MLLT3: variants seen among roughly 807,000 people sequenced by gnomAD.
The protein encoded by MLLT3 is MLLT3 super elongation complex subunit.
Under a neutral mutation model 53.2 loss-of-function variants are expected in MLLT3, and 4 were observed. The observed-to-expected ratio is 0.08, with a 90% CI of 0.04 to 0.17. MLLT3 has a LOEUF of 0.17. Ranked by LOEUF, MLLT3 falls within the 10% of genes least tolerant of loss-of-function variation. The pLI, the probability that MLLT3 is intolerant of heterozygous loss-of-function variation, is 1.00. For synonymous variants in MLLT3, 283 were observed against 230.6 expected (o/e 1.23, Z -2.06); for missense variants, 569 against 684.0 (o/e 0.83, Z 1.87).
chr9:20,467,118 A>G (rs981805141), intron 2 of MLLT3, among the ~76,000 whole-genome samples: 1 of 152,148 alleles, frequency 6.6e-6, no homozygotes, highest in Non-Finnish European at 1.5e-5. Flanking sequence ...AAAAAACAAA[A>G]AGAGAGAGAG....
At chr9:20,420,142 T>C (rs1162764704) in intron 4 of MLLT3, among the ~76,000 whole-genome samples, 4 of 152,006 alleles carry the variant, frequency 2.6e-5, no homozygotes, top group Admixed American at 6.6e-5. Context: ...AACTGTCACA[T>C]AAAGGGAAAA....
At chr9:20,540,972 T>C (rs1467089515) in intron 2 of MLLT3, among the ~76,000 whole-genome samples, 4 of 152,170 alleles carry the variant, frequency 2.6e-5, no homozygotes, top group African/African-American at 7.2e-5. Context: ...CCAAGTCAAA[T>C]CTTGAATGCT....
At chr9:20,401,327 G>A (rs557271744) in intron 5 of MLLT3, among the ~76,000 whole-genome samples, 21 of 152,230 alleles carry the variant, frequency 1.4e-4, no homozygotes, top group African/African-American at 2.6e-4. Context: ...AAAATAGATG[G>A]AATATATATT....
At position 20,342,292 on chromosome 9, in the gene MLLT3, A is replaced by T. The variant is rs1472315746; in HGVS notation, c.*4151T>A. On this transcript the variant is annotated 3_prime_UTR_variant, in exon 11 of 11. Coordinates refer to ENST00000380338, the MANE Select transcript of MLLT3 (RefSeq NM_004529.4). Reference sequence around the variant, plus strand: ...TCAACATGGATTTTAGAGAAGGGAAATACATCTTACAGTGTGCCTTGAATT... The same window carrying T: ...TCAACATGGATTTTAGAGAAGGGAATTACATCTTACAGTGTGCCTTGAATT... The T allele has an allele frequency of 8.9e-6, 2 of 224,154 alleles. No individual in the cohort carries two copies. The highest frequency in any genetic ancestry group is 1.8e-5 in the Non-Finnish European group (2 of 112,484). The allele number at this position is 224,154 out of a possible 1,614,324, so 13.9% of individuals were successfully genotyped here. A position where few individuals can be genotyped will look rare whatever the true frequency, so the allele number is the denominator to read the frequency against.
intron 2 of MLLT3, among the ~76,000 whole-genome samples, chr9:20,564,161 C>T (rs1431844774): frequency 6.6e-6 from 1 of 152,092 alleles, no homozygotes; most frequent in African/African-American, 2.4e-5. Context: ...GCATACCCTT[C>T]CCTGGATGCT....
At chr9:20,363,704 T>C in intron 6 of MLLT3, 99 bp from the exon 7 acceptor site, 2 of 1,096,298 alleles carry the variant, frequency 1.8e-6, no homozygotes, top group Non-Finnish European at 2.5e-6. Context: ...GAACACTGGT[T>C]AAAAATAATC....
At chr9:20,588,107 C>T (rs949708101) in intron 2 of MLLT3, among the ~76,000 whole-genome samples, 1 of 152,016 alleles carries the variant, frequency 6.6e-6, no homozygotes, top group Non-Finnish European at 1.5e-5. Context: ...GAATCCTTTC[C>T]CCATTGCTTG....
chr9:20,384,021 G>T (rs1170237874), intron 5 of MLLT3, among the ~76,000 whole-genome samples: 2 of 152,002 alleles, frequency 1.3e-5, no homozygotes, highest in African/African-American at 4.8e-5. Flanking sequence ...CACATTGTTT[G>T]AGAAGTTTTT....
intron 2 of MLLT3, among the ~76,000 whole-genome samples, chr9:20,521,398 T>C (rs1387508011): frequency 6.6e-6 from 1 of 152,094 alleles, no homozygotes; most frequent in Non-Finnish European, 1.5e-5. Flanking sequence ...ACCAAATCAA[T>C]TGAGAATTTG....
chr9:20,584,994 C>T (rs1480273523), intron 2 of MLLT3, among the ~76,000 whole-genome samples: 1 of 152,190 alleles, frequency 6.6e-6, no homozygotes, highest in African/African-American at 2.4e-5. Flanking sequence ...TCTGTGTGGA[C>T]ATAAGTTTTC....
intron 2 of MLLT3, among the ~76,000 whole-genome samples, chr9:20,457,079 G>A (rs1469360823): frequency 6.6e-6 from 1 of 151,898 alleles, no homozygotes; most frequent in South Asian, 2.1e-4. Flanking sequence ...TTATTACCCT[G>A]CCCAAAAGCT....
chr9:20,571,638 G>A (rs1240964291), intron 2 of MLLT3, among the ~76,000 whole-genome samples: 1 of 151,942 alleles, frequency 6.6e-6, no homozygotes, highest in Non-Finnish European at 1.5e-5. Flanking sequence ...CCCCATCCCG[G>A]GTCCATGTGT....
At chr9:20,536,669 G>A (rs1818494383) in intron 2 of MLLT3, among the ~76,000 whole-genome samples, 2 of 152,066 alleles carry the variant, frequency 1.3e-5, no homozygotes, top group Non-Finnish European at 2.9e-5. Context: ...ATTTTAAATT[G>A]GATTACTGAT....
intron 4 of MLLT3, among the ~76,000 whole-genome samples, chr9:20,446,136 A>C (rs767267535): frequency 1.3e-4 from 20 of 152,192 alleles, no homozygotes; most frequent in Admixed American, 4.6e-4. Flanking sequence ...ATTTTTAATG[A>C]ATTTTTAAAT....
chr9:20,465,236 G>A (rs955678558), intron 2 of MLLT3, among the ~76,000 whole-genome samples: 1 of 152,004 alleles, frequency 6.6e-6, no homozygotes, highest in Non-Finnish European at 1.5e-5. Context: ...AGAGAAAGGG[G>A]AAAAGTACAA....
chr9:20,397,716 T>C (rs1196058009), intron 5 of MLLT3, among the ~76,000 whole-genome samples: 2 of 152,180 alleles, frequency 1.3e-5, no homozygotes, highest in East Asian at 3.9e-4. Context: ...TGTGATAACA[T>C]CTTCCTTTCT....
chr9:20,567,950 C>T (rs1418154988), intron 2 of MLLT3, among the ~76,000 whole-genome samples: 1 of 152,170 alleles, frequency 6.6e-6, no homozygotes, highest in African/African-American at 2.4e-5. Flanking sequence ...TCCCCGCCAC[C>T]TACAGCTGCC....
At chr9:20,447,830 G>A (rs748936709) in intron 4 of MLLT3, among the ~76,000 whole-genome samples, 86 of 152,080 alleles carry the variant, frequency 5.7e-4, no homozygotes, top group Admixed American at 5.9e-4. Context: ...TCTTAAATGA[G>A]AGTTTATTGC....
intron 4 of MLLT3, among the ~76,000 whole-genome samples, chr9:20,428,608 G>T (rs1325006403): frequency 6.6e-6 from 1 of 151,942 alleles, no homozygotes; most frequent in African/African-American, 2.4e-5. Context: ...GAAAATGATG[G>T]ATGATAAATG....
Sources: allele counts gnomAD v4.1 joint callset (sites outside exome capture counted in the v4.1 genomes callset), GRCh38; gene constraint gnomAD v4.1.1; transcripts MANE v1.5; gene names NCBI Gene and HGNC (gene_info 2026-07-23, HGNC 2026-07-21).